ATRX: variants seen among roughly 807,000 people sequenced by gnomAD.
ATRX encodes chromatin remodeler ATRX.
A neutral mutation model predicts 172.6 loss-of-function variants in ATRX; 12 were observed. The observed-to-expected ratio is 0.07, with a 90% CI of 0.04 to 0.11. ATRX has a LOEUF of 0.11. Among genes scored for constraint, ATRX ranks in the 10% least tolerant of loss-of-function variants. ATRX has a pLI of 1.00. For synonymous variants in ATRX, 674 were observed against 594.7 expected (o/e 1.13, Z -1.94); for missense variants, 1,368 against 1,767.4 (o/e 0.77, Z 4.05).
In ATRX at chrX:77,624,334, T is replaced by C. The variant is rs868926061; in HGVS notation, c.5135-3802A>G. ...GTGAGCCAAGATCGCACCACTGCAC[T>C]CCAGCCTGGGCGACAGAGCGAGACT... is the stretch of plus-strand genomic sequence containing the variant. On this transcript the variant is annotated intron_variant, in intron 19 of 34. Transcript: ENST00000373344. 3.6e-5 allele frequency among the ~76,000 whole-genome samples: 4 copies of C among 109,947 alleles called. No individual in the cohort carries two copies. In the Middle Eastern group the frequency reaches 0.014, roughly 378 times the overall value.
At chrX:77,626,028 C>CAT (rs782747198) in intron 19 of ATRX, among the ~76,000 whole-genome samples, 32 of 36,240 alleles carry the variant, frequency 8.8e-4, no homozygotes, top group East Asian at 3.3e-3. Flanking sequence ...GAAATTGTGG[C>CAT]ATATATATAT....
chrX:77,520,929 T>A lies in ATRX; in HGVS notation c.7072-13A>T, dbSNP rs2063209448. On this transcript the variant is annotated splice_polypyrimidine_tract_variant and intron_variant, in intron 33 of 34. Coordinates refer to ENST00000373344, the MANE Select transcript of ATRX (RefSeq NM_000489.6). Reference sequence around the variant, plus strand: ...TGTTCTCCTTCCACTAAAAGAAAAATTTTCTATTTACTCCTTATTACTGTA... The same window carrying A: ...TGTTCTCCTTCCACTAAAAGAAAAAATTTCTATTTACTCCTTATTACTGTA... 2 of 1,196,256 alleles carry A rather than the reference T, an allele frequency of 1.7e-6. No homozygotes were observed. Among genetic ancestry groups the A allele is most frequent in the East Asian group, 3.0e-5 (1 of 33,752 alleles).
rs2148091310 is a variant in ATRX, at chrX:77,589,949, A to G, written c.6111-9T>C. The G allele has an allele frequency of 8.5e-7, 1 of 1,174,557 alleles. No homozygotes were observed. On this transcript the variant is annotated splice_polypyrimidine_tract_variant and intron_variant, in intron 26 of 34. Transcript: ENST00000373344. ...ACTGGCTGAAAACAAGGCTAAAAAA[A>G]CAGATTAGTGTTTATGGATTAGAAG...
At chrX:77,703,151 G>A (rs1360585877) in intron 2 of ATRX, among the ~76,000 whole-genome samples, 1 of 113,129 alleles carries the variant, frequency 8.8e-6, no homozygotes, top group Non-Finnish European at 1.9e-5. Context: ...TGATGCCAGT[G>A]TTACAGAATC....
chrX:77,699,115 A>G (rs782070878), intron 2 of ATRX, among the ~76,000 whole-genome samples: 1 of 110,972 alleles, frequency 9.0e-6, no homozygotes, highest in Non-Finnish European at 1.9e-5. Flanking sequence ...CAATAAAACC[A>G]AAGAGTAGTT....
intron 1 of ATRX, chrX:77,728,043 C>A (rs2074132052): frequency 9.1e-6 from 1 of 110,488 alleles, no homozygotes; most frequent in Admixed American, 9.8e-5. Context: ...GTGTTATGTA[C>A]AATGCCACCT....
intron 1 of ATRX, among the ~76,000 whole-genome samples, chrX:77,744,049 T>C (rs1226244132): frequency 8.9e-6 from 1 of 112,540 alleles, no homozygotes; most frequent in Non-Finnish European, 1.9e-5. Context: ...GGCACGGTGG[T>C]TCATGCCTGT....
At chrX:77,521,320 C>T in intron 33 of ATRX, 83 bp downstream of exon 33, 1 of 738,910 alleles carries the variant, frequency 1.4e-6, no homozygotes, top group Non-Finnish European at 2.1e-6. Flanking sequence ...TAAGAAGGAA[C>T]AATTAAAAAT....
intron 4 of ATRX, among the ~76,000 whole-genome samples, chrX:77,697,090 G>A (rs1557150373): frequency 8.9e-6 from 1 of 111,944 alleles, no homozygotes; most frequent in South Asian, 3.7e-4. Context: ...AGTATATTGG[G>A]TACTACATTA....
intron 34 of ATRX, among the ~76,000 whole-genome samples, chrX:77,518,062 C>T (rs946723188): frequency 2.7e-5 from 3 of 111,894 alleles, no homozygotes; most frequent in Admixed American, 9.5e-5. Flanking sequence ...CAGCCAGTAT[C>T]GTACTCAATG....
At chrX:77,511,675 T>C (rs1181243583) in intron 34 of ATRX, among the ~76,000 whole-genome samples, 2 of 111,688 alleles carry the variant, frequency 1.8e-5, no homozygotes, top group Non-Finnish European at 3.8e-5. Flanking sequence ...ATTGACATAC[T>C]GAAGAATGTA....
chrX:77,577,507 T>C (rs1306931301), intron 27 of ATRX, among the ~76,000 whole-genome samples: 1 of 111,404 alleles, frequency 9.0e-6, no homozygotes, highest in Non-Finnish European at 1.9e-5. Flanking sequence ...TTTTTGATAT[T>C]AACCCCTTAT....
intron 28 of ATRX, among the ~76,000 whole-genome samples, chrX:77,566,028 C>CT (rs2065185436): frequency 9.1e-6 from 1 of 110,005 alleles, no homozygotes; most frequent in African/African-American, 3.3e-5. Context: ...ACCCATGGGA[C>CT]TATAACAAAA....
In ATRX at chrX:77,508,296, AAAAAT is replaced by A; in HGVS notation, c.*50_*54del. On this transcript the variant is annotated 3_prime_UTR_variant, in exon 35 of 35. Coordinates refer to ENST00000373344, the MANE Select transcript of ATRX (RefSeq NM_000489.6). ...GTTCTGTTAAGTCATTGATTCCTAAAAAAATAAAAGATCTTTCTATGATTTTAACA... is the reference window on the plus strand; with the variant it reads ...GTTCTGTTAAGTCATTGATTCCTAAAAAAAGATCTTTCTATGATTTTAACA... 1 of 1,185,124 alleles carries A rather than the reference AAAAAT, an allele frequency of 8.4e-7. No individual in the cohort carries two copies.
At chrX:77,671,977 C>G (rs1557131007) in intron 10 of ATRX, among the ~76,000 whole-genome samples, 1 of 110,494 alleles carries the variant, frequency 9.1e-6, no homozygotes, top group Non-Finnish European at 1.9e-5. Context: ...ACAGCCAGTT[C>G]AGATATCTAC....
chrX:77,580,845 T>A (rs1206475581), intron 27 of ATRX, among the ~76,000 whole-genome samples: 2 of 111,763 alleles, frequency 1.8e-5, no homozygotes, highest in African/African-American at 3.2e-5. Flanking sequence ...CAAAAATAAC[T>A]ACAACAACAT....
At chrX:77,770,085 A>C (rs1199980594) in intron 1 of ATRX, among the ~76,000 whole-genome samples, 1 of 110,616 alleles carries the variant, frequency 9.0e-6, no homozygotes, top group Non-Finnish European at 1.9e-5. Flanking sequence ...CTGTTTCAAA[A>C]TAAAAATGGG....
Position 77,508,314 on chromosome X carries a change from T to C in ATRX, c.*37A>G. Reference sequence around the variant, plus strand: ...TTCCTAAAAAAATAAAAGATCTTTCTATGATTTTAACAATCCATTAAGCTT... The same window carrying C: ...TTCCTAAAAAAATAAAAGATCTTTCCATGATTTTAACAATCCATTAAGCTT... On this transcript the variant is annotated 3_prime_UTR_variant, in exon 35 of 35. Coordinates refer to ENST00000373344, the MANE Select transcript of ATRX (RefSeq NM_000489.6). 8.4e-7 allele frequency: 1 copy of C among 1,196,674 alleles called. No homozygotes were observed. Among genetic ancestry groups the C allele is most frequent in the South Asian group, 1.8e-5 (1 of 56,507 alleles).
rs1385116529 is a variant in ATRX at position 77,683,242 on chromosome X, G to C, written c.2014C>G (p.Pro672Ala). The C allele has an allele frequency of 2.5e-6, 3 of 1,208,976 alleles. No homozygotes were observed. In the East Asian group the frequency reaches 8.9e-5, roughly 36 times the overall value. Reference sequence around the variant, plus strand: ...TCTTCATCTGAATTAGATGTTACAGGGTTAGTTTCTGTCGGTCGCCTCAAG... The same window carrying C: ...TCTTCATCTGAATTAGATGTTACAGCGTTAGTTTCTGTCGGTCGCCTCAAG... ...TPLRRPTETN[P>A]VTSNSDEECN... The change falls in exon 9 of 35, where the codon CCT becomes GCT. Residue 672 changes from proline (P) to alanine (A), a missense_variant. Coordinates refer to ENST00000373344, the MANE Select transcript of ATRX (RefSeq NM_000489.6).
Sources: gnomAD v4.1 joint callset for allele counts (sites outside exome capture counted in the v4.1 genomes callset) on GRCh38, gnomAD v4.1.1 for gene constraint, MANE v1.5 for transcripts, NCBI Gene and HGNC (gene_info 2026-07-23, HGNC 2026-07-21) for gene names.